Variants in LLGL1 observed in about 807,000 individuals in gnomAD.
LLGL1 encodes the protein lethal(2) giant larvae protein homolog 1.
LLGL1 carries 58 observed loss-of-function variants against 110.6 expected under a neutral mutation model. The ratio of observed to expected loss-of-function variants is 0.52; its 90% confidence interval spans 0.42 to 0.65. The LOEUF is 0.65. LLGL1 is among the 30% of genes least tolerant of loss of function. The pLI is 0.00. For missense variants in LLGL1, 1,229 were observed against 1,462.1 expected (o/e 0.84, Z 2.60); for synonymous variants, 674 against 607.2 (o/e 1.11, Z -1.62).
Position 18,237,188 on chromosome 17 carries a change from G to T in LLGL1, c.1611+249G>T, listed in dbSNP as rs1597872049. 5 of 596,126 alleles carry T rather than the reference G, an allele frequency of 8.4e-6. No individual in the cohort carries two copies. In the East Asian group the frequency reaches 1.1e-4, roughly 13 times the overall value. 36.9% of individuals were successfully genotyped at this position (596,126 alleles called of 1,614,324 possible). A position where few individuals can be genotyped will look rare whatever the true frequency, so the allele number is the denominator to read the frequency against. ...GGCACTCACATGACATACAGGAGGT[G>T]CTCAATGTGTCCTTATTGCTAAATG... On this transcript the variant is annotated intron_variant, in intron 13 of 22. Coordinates refer to ENST00000316843, the MANE Select transcript of LLGL1 (RefSeq NM_004140.4).
intron 17 of LLGL1, chr17:18,241,083 G>A (rs2047820349): frequency 3.3e-6 from 2 of 610,330 alleles, no homozygotes; most frequent in African/African-American, 3.7e-5. Flanking sequence ...GTTCCCCTGG[G>A]AGGGCAGGAA....
intron 18 of LLGL1, 24 bp downstream of exon 18, chr17:18,241,739 AGGCCTTCCTCAGGCGAGCGAACTGAGT>A (rs1567696695): frequency 6.2e-7 from 1 of 1,610,284 alleles, no homozygotes; most frequent in Admixed American, 1.7e-5. Context: ...GAGGCCGAGG[AGGCCTTCCTCAGGCGAGCGAACTGAGT>A]GGGACCAGTA....
chr17:18,231,228 C>CT (rs1207871997), intron 2 of LLGL1, among the ~76,000 whole-genome samples: 1 of 152,166 alleles, frequency 6.6e-6, no homozygotes, highest in Non-Finnish European at 1.5e-5. Context: ...GGTTGGGAAA[C>CT]TGAGGCTGGA....
chr17:18,232,001 G>A (rs374194265), intron 2 of LLGL1, among the ~76,000 whole-genome samples: 245 of 152,344 alleles, frequency 1.6e-3, no homozygotes, highest in African/African-American at 5.7e-3. Flanking sequence ...GCCTGAAGCT[G>A]TGGGAAAAGG....
At chr17:18,226,891 G>A (rs1482506982) in intron 1 of LLGL1, among the ~76,000 whole-genome samples, 1 of 152,266 alleles carries the variant, frequency 6.6e-6, no homozygotes, top group Admixed American at 6.5e-5. Flanking sequence ...AGTGCTCTTC[G>A]AAATTAGAGT....
intron 14 of LLGL1, 133 bp downstream of exon 14, chr17:18,237,906 C>G: frequency 2.3e-6 from 3 of 1,285,496 alleles, no homozygotes; most frequent in Non-Finnish European, 3.2e-6. Flanking sequence ...AACCTGGCAG[C>G]TCCAAGAAGG....
In LLGL1 at chr17:18,241,970, T is replaced by A; in HGVS notation, c.2853T>A (p.Ile951=). The part of the protein sequence containing the change: ...NITEPLCSLD[I]NWPRDATQAS... Reference sequence around the variant, plus strand: ...CAGAGCCGCTCTGCTCTCTGGACATTAACTGGCCCCGCGATGCCACCCAGG... The same window carrying A: ...CAGAGCCGCTCTGCTCTCTGGACATAAACTGGCCCCGCGATGCCACCCAGG... Residue 951 remains isoleucine, a synonymous_variant, in exon 19 of 23, where the codon ATT becomes ATA. Coordinates refer to ENST00000316843, the MANE Select transcript of LLGL1 (RefSeq NM_004140.4). 1.9e-6 allele frequency: 3 copies of A among 1,613,974 alleles called. No individual in the cohort carries two copies. Among genetic ancestry groups the A allele is most frequent in the Non-Finnish European group, 2.5e-6 (3 of 1,179,914 alleles).
In LLGL1 at chr17:18,235,384, G is replaced by A. The variant is rs552280073; in HGVS notation, c.1284+72G>A. The A allele has an allele frequency of 7.8e-5, 125 of 1,604,962 alleles. 1 individual carries two copies. The highest frequency in any genetic ancestry group is 3.7e-4 in the African/African-American group (28 of 74,876). On this transcript the variant is annotated intron_variant, in intron 10 of 22. Transcript: ENST00000316843. ...GGGGGAGAGTTTCAGTTCTAAGCCCGGAGGTCAGAATGTGCCATACTCGGG... is the reference window on the plus strand; with the variant it reads ...GGGGGAGAGTTTCAGTTCTAAGCCCAGAGGTCAGAATGTGCCATACTCGGG...
chr17:18,235,927 G>T, intron 11 of LLGL1: 1 of 239,408 alleles, frequency 4.2e-6, no homozygotes, highest in Non-Finnish European at 8.2e-6. Context: ...ACTCCCGCCT[G>T]TGCTGGGACC....
intron 14 of LLGL1, 138 bp from the exon 15 acceptor site, chr17:18,237,929 C>T: frequency 7.8e-7 from 1 of 1,275,150 alleles, no homozygotes; most frequent in Non-Finnish European, 1.1e-6. Flanking sequence ...ATTCTCAGTA[C>T]CACCTGCAGC....
intron 2 of LLGL1, among the ~76,000 whole-genome samples, chr17:18,231,293 T>G (rs2047561750): frequency 6.6e-6 from 1 of 152,106 alleles, no homozygotes; most frequent in African/African-American, 2.4e-5. Context: ...GCCAGCCCCA[T>G]CTCCTTGACG....
chr17:18,242,895 T>C, intron 22 of LLGL1, 73 bp downstream of exon 22: 1 of 1,395,648 alleles, frequency 7.2e-7, no homozygotes, highest in Non-Finnish European at 9.6e-7. Flanking sequence ...GGGTACCATT[T>C]GGCCCTGGTC....
chr17:18,238,261 TTGGCCTGGCTC>T, intron 15 of LLGL1, 47 bp downstream of exon 15: 1 of 1,603,884 alleles, frequency 6.2e-7, no homozygotes, highest in Non-Finnish European at 8.5e-7. Flanking sequence ...GTCCTGTGCC[TTGGCCTGGCTC>T]TGGCCTGGGA....
intron 2 of LLGL1, among the ~76,000 whole-genome samples, chr17:18,231,263 G>T (rs1480846624): frequency 6.6e-6 from 1 of 152,168 alleles, no homozygotes; most frequent in Non-Finnish European, 1.5e-5. Flanking sequence ...GTCACTAGAA[G>T]CTGCCCCTCC....
chr17:18,236,964 G>A (rs373939863), intron 13 of LLGL1, 25 bp downstream of exon 13: 4 of 1,572,466 alleles, frequency 2.5e-6, no homozygotes, highest in African/African-American at 2.7e-5. Flanking sequence ...CCCCTGGGTT[G>A]GAGATGTCAG....
Position 18,244,859 on chromosome 17 carries a change from AT to A in LLGL1, c.*956del. 2.5e-6 allele frequency: 1 copy of A among 403,360 alleles called. No individual in the cohort carries two copies. Among genetic ancestry groups the A allele is most frequent in the Non-Finnish European group, 4.4e-6 (1 of 228,708 alleles). The allele number at this position is 403,360 out of a possible 1,614,324, so 25.0% of individuals were successfully genotyped here. On this transcript the variant is annotated 3_prime_UTR_variant, in exon 23 of 23. Coordinates refer to ENST00000316843, the MANE Select transcript of LLGL1 (RefSeq NM_004140.4). ...GATTTTTAATATTGAAAATAAAAGC[AT>A]TTAATATCTCTTAAAGGGCATCCAC...
Position 18,237,563 on chromosome 17 carries a change from G to C in LLGL1, c.1694G>C (p.Gly565Ala). 6.2e-7 allele frequency: 1 copy of C among 1,609,966 alleles called. No homozygotes were observed. The highest frequency in any genetic ancestry group is 8.5e-7 in the Non-Finnish European group (1 of 1,179,018). ...ATAGACCTCCTCCAGGACCGCGAGG[G>C]CTTCACATGGAAGGGCCACGAGCGG... ...AIIDLLQDRE[G>A]FTWKGHERLS... Residue 565 changes from glycine to alanine, a missense_variant, in exon 14 of 23, where the codon GGC becomes GCC. Gly to Ala is a moderately conservative substitution (Grantham distance 60, BLOSUM62 0). Coordinates refer to ENST00000316843, the MANE Select transcript of LLGL1 (RefSeq NM_004140.4).
intron 7 of LLGL1, 54 bp downstream of exon 7, chr17:18,234,462 G>C (rs945704188): frequency 1.9e-6 from 3 of 1,596,948 alleles, no homozygotes; most frequent in Admixed American, 3.4e-5. Flanking sequence ...GGGCACCACT[G>C]AGCCAAGCCA....
At position 18,242,838 on chromosome 17, in the gene LLGL1, G is replaced by A. The variant is rs1473540318; in HGVS notation, c.*1+16G>A. 3.2e-6 allele frequency: 5 copies of A among 1,542,040 alleles called. No individual in the cohort carries two copies. Among genetic ancestry groups the A allele is most frequent in the Non-Finnish European group, 3.5e-6 (4 of 1,143,684 alleles). On this transcript the variant is annotated intron_variant, in intron 22 of 22. Coordinates refer to ENST00000316843, the MANE Select transcript of LLGL1 (RefSeq NM_004140.4). Reference sequence around the variant, plus strand: ...ATCAAATGAGGTGCTGCAGGGGTGGGGCCCTGGTCCTCACCACTGGTGACG... The same window carrying A: ...ATCAAATGAGGTGCTGCAGGGGTGGAGCCCTGGTCCTCACCACTGGTGACG...
Sources: allele counts gnomAD v4.1 joint callset (sites outside exome capture counted in the v4.1 genomes callset), GRCh38; gene constraint gnomAD v4.1.1; transcripts MANE v1.5; gene names NCBI Gene and HGNC (gene_info 2026-07-23, HGNC 2026-07-21).